RNF170: variants seen among roughly 807,000 people sequenced by gnomAD.
RNF170 encodes ring finger protein 170, also known as E3 ubiquitin-protein ligase RNF170.
Under a neutral mutation model 32.7 loss-of-function variants are expected in RNF170, and 12 were observed. That is an observed-to-expected ratio of 0.37 (90% CI 0.24 to 0.60). The LOEUF is 0.60. RNF170 is among the 20% of genes least tolerant of loss of function. The pLI, the probability that RNF170 is intolerant of heterozygous loss-of-function variation, is 0.72. For missense variants in RNF170, 212 were observed against 311.2 expected (o/e 0.68, Z 2.40); for synonymous variants, 91 against 103.6 (o/e 0.88, Z 0.74).
At position 42,853,491 on chromosome 8, in the gene RNF170, C is replaced by T. The variant is rs1489598856; in HGVS notation, c.*2668G>A. The stretch of plus-strand genomic sequence containing the variant: ...CACTGAGAATTGTAGTAGTTGAAAC[C>T]ACTGTTCTAGTGGGCAGTTAGAACA... On this transcript the variant is annotated 3_prime_UTR_variant, in exon 7 of 7. Coordinates refer to ENST00000527424, the MANE Select transcript of RNF170 (RefSeq NM_030954.4). 2.3e-6 allele frequency: 3 copies of T among 1,286,840 alleles called. No homozygotes were observed. In the African/African-American group the frequency reaches 4.6e-5, roughly 20 times the overall value. The allele number at this position is 1,286,840 out of a possible 1,614,324, so 79.7% of individuals were successfully genotyped here.
intron 3 of RNF170, among the ~76,000 whole-genome samples, chr8:42,872,409 A>G (rs1474471642): frequency 1.3e-5 from 2 of 152,196 alleles, no homozygotes; most frequent in Non-Finnish European, 2.9e-5. Context: ...ATGGGTAACA[A>G]TTGTTATGGA....
intron 1 of RNF170, among the ~76,000 whole-genome samples, chr8:42,890,840 T>A (rs1006868378): frequency 1.3e-5 from 2 of 152,104 alleles, no homozygotes; most frequent in African/African-American, 2.4e-5. Context: ...CTGCCATAGT[T>A]TCTCATAAAA....
At chr8:42,882,784 G>A (rs752170088) in intron 2 of RNF170, among the ~76,000 whole-genome samples, 12 of 152,038 alleles carry the variant, frequency 7.9e-5, no homozygotes, top group African/African-American at 1.4e-4. Context: ...TGATCAGGCC[G>A]GGCACAGTGG....
chr8:42,861,541 T>TAGA (rs1223660832), intron 6 of RNF170: 1 of 535,832 alleles, frequency 1.9e-6, no homozygotes, highest in African/African-American at 1.9e-5. Context: ...TGGGGTTTCA[T>TAGA]CATGTTTCCA....
intron 1 of RNF170, 31 bp downstream of exon 1, chr8:42,896,453 G>A: frequency 2.2e-6 from 1 of 453,770 alleles, no homozygotes; most frequent in Non-Finnish European, 4.4e-6. Context: ...GCCCCGATAG[G>A]GTGGGCGTGG....
chr8:42,887,933 T>A, intron 1 of RNF170, 62 bp from the exon 2 acceptor site: 1 of 1,451,968 alleles, frequency 6.9e-7, no homozygotes, highest in Non-Finnish European at 9.6e-7. Context: ...AATATACTAA[T>A]AAAAGCAATG....
In RNF170 at chr8:42,867,471, CAAAAAA is replaced by C. The variant is rs34272095; in HGVS notation, c.323-1988_323-1983del. Among the ~76,000 whole-genome samples, 18 of 35,708 alleles carry C rather than the reference CAAAAAA, an allele frequency of 5.0e-4. No individual in the cohort carries two copies. In the Admixed American group the frequency reaches 6.7e-3, roughly 13 times the overall value. 23.4% of individuals were successfully genotyped at this position (35,708 alleles called of 152,430 possible). A position where few individuals can be genotyped will look rare whatever the true frequency, so the allele number is the denominator to read the frequency against. On this transcript the variant is annotated intron_variant, in intron 4 of 6. Coordinates refer to ENST00000527424, the MANE Select transcript of RNF170 (RefSeq NM_030954.4). ...GGGCAATAAGAGCAAAACTCCGTCT[CAAAAAA>C]AAAAAAAAAAAAAAAAGGCCGGGCG...
intron 2 of RNF170, among the ~76,000 whole-genome samples, chr8:42,876,888 C>T (rs1804981372): frequency 6.6e-6 from 1 of 151,576 alleles, no homozygotes; most frequent in African/African-American, 2.4e-5. Flanking sequence ...ATCTCCTGAC[C>T]TCATGATCTG....
intron 2 of RNF170, among the ~76,000 whole-genome samples, chr8:42,879,860 A>G (rs945681621): frequency 6.6e-6 from 1 of 151,930 alleles, no homozygotes; most frequent in African/African-American, 2.4e-5. Flanking sequence ...TTTTTAGTAG[A>G]GACAAGGTTT....
Position 42,887,882 on chromosome 8 carries a change from A to T in RNF170, c.-7-11T>A. 6.2e-7 allele frequency: 1 copy of T among 1,610,994 alleles called. No homozygotes were observed. The highest frequency in any genetic ancestry group is 8.5e-7 in the Non-Finnish European group (1 of 1,177,204). ...TTGGCCATTCCAGGTCTAAAATAAG[A>T]AGAAACAAGATGAGAGTTACAAATG... On this transcript the variant is annotated splice_polypyrimidine_tract_variant and intron_variant, in intron 1 of 6. Transcript: ENST00000527424.
chr8:42,853,935 G>A lies in RNF170; in HGVS notation c.*2224C>T. 4 of 1,287,122 alleles carry A rather than the reference G, an allele frequency of 3.1e-6. No individual in the cohort carries two copies. The highest frequency in any genetic ancestry group is 3.0e-6 in the Non-Finnish European group (3 of 988,642). The allele number at this position is 1,287,122 out of a possible 1,614,324, so 79.7% of individuals were successfully genotyped here. A position where few individuals can be genotyped will look rare whatever the true frequency, so the allele number is the denominator to read the frequency against. ...TTATAATTATTGTAACCAGAATTGT[G>A]ACACTTGGAGCAGAATGCATGCACA... On this transcript the variant is annotated 3_prime_UTR_variant, in exon 7 of 7. Coordinates refer to ENST00000527424, the MANE Select transcript of RNF170 (RefSeq NM_030954.4).
chr8:42,856,992 AT>A (rs1803292253), intron 6 of RNF170, among the ~76,000 whole-genome samples: 7 of 152,268 alleles, frequency 4.6e-5, no homozygotes, highest in Admixed American at 4.6e-4. Flanking sequence ...AAAGACCTTT[AT>A]AACTTGCCAG....
At chr8:42,850,967 C>A (rs1018443882), downstream of RNF170, 26 of 1,551,534 alleles carry the variant, frequency 1.7e-5, no homozygotes, top group Non-Finnish European at 2.2e-5. Flanking sequence ...TGGGTCTGCT[C>A]ACTTGCACGG....
Position 42,856,236 on chromosome 8 carries a change from A to T in RNF170, c.700T>A (p.Phe234Ile), listed in dbSNP as rs764477227. The part of the protein sequence containing the change: ...LFGILGFLDD[F>I]FVIFLLLIYI... ...ATAAGCAATAAAAAGATGACAAAGA[A>T]ATCATCTAGAAAGCCTAGAATTCCA... The change falls in exon 7 of 7, where the codon TTC (phenylalanine) becomes ATC (isoleucine). Residue 234 changes from phenylalanine (F) to isoleucine (I), a missense_variant. This residue lies in a region of RNF170 where 97 missense variants were observed against 178.9 expected (regional missense o/e 0.54). Coordinates refer to ENST00000527424, the MANE Select transcript of RNF170 (RefSeq NM_030954.4). The T allele has an allele frequency of 6.2e-7, 1 of 1,611,044 alleles. No individual in the cohort carries two copies. The highest frequency in any genetic ancestry group is 1.1e-5 in the South Asian group (1 of 90,310).
chr8:42,892,942 G>A (rs773751158), intron 1 of RNF170, among the ~76,000 whole-genome samples: 2 of 152,004 alleles, frequency 1.3e-5, no homozygotes, highest in Non-Finnish European at 1.5e-5. Context: ...AGCCAAGATC[G>A]CACCACTGCA....
Position 42,887,741 on chromosome 8 carries a change from A to ATTGC in RNF170, c.123_124insGCAA (p.Tyr42AlafsTer44). ...CTTAAATCTCACCTGAAAAGTGCAT[A>ATTGC]TACCAGGGTAGCAATCAAAGCGAAA... On this transcript the variant is annotated frameshift_variant, in exon 2 of 7. Coordinates refer to ENST00000527424, the MANE Select transcript of RNF170 (RefSeq NM_030954.4). LOFTEE classifies it high-confidence loss of function. 6.2e-7 allele frequency: 1 copy of ATTGC among 1,613,642 alleles called. No homozygotes were observed. Among genetic ancestry groups the ATTGC allele is most frequent in the Non-Finnish European group, 8.5e-7 (1 of 1,179,536 alleles).
chr8:42,851,072 T>C, downstream of RNF170: 1 of 1,532,102 alleles, frequency 6.5e-7, no homozygotes, highest in Non-Finnish European at 8.8e-7. Flanking sequence ...TAAATCCAAA[T>C]CAACAGCCTT....
At chr8:42,862,474 T>C (rs1002028493) in intron 5 of RNF170, among the ~76,000 whole-genome samples, 1 of 152,214 alleles carries the variant, frequency 6.6e-6, no homozygotes, top group Non-Finnish European at 1.5e-5. Flanking sequence ...ACTGGGGTAA[T>C]CTGACGGTGA....
In RNF170 at chr8:42,855,936, T is replaced by C. The variant is rs756336201; in HGVS notation, c.*223A>G. The stretch of plus-strand genomic sequence containing the variant: ...AGACAACATAGAATCAAGATACAAC[T>C]GTAGATCATTATAATTCTAAACTTA... On this transcript the variant is annotated 3_prime_UTR_variant, in exon 7 of 7. Transcript: ENST00000527424. The C allele has an allele frequency of 8.3e-6, 11 of 1,328,724 alleles. No homozygotes were observed. Among genetic ancestry groups the C allele is most frequent in the Non-Finnish European group, 1.0e-5 (10 of 1,001,798 alleles). 82.3% of individuals were successfully genotyped at this position (1,328,724 alleles called of 1,614,324 possible).
Sources: gnomAD v4.1 joint callset for allele counts (sites outside exome capture counted in the v4.1 genomes callset) on GRCh38, gnomAD v4.1.1 for gene constraint, gnomAD v4.1.1 regional missense constraint, MANE v1.5 for transcripts, NCBI Gene and HGNC (gene_info 2026-07-23, HGNC 2026-07-21) for gene names.